Variants in KCNQ1 observed in about 807,000 individuals in gnomAD.
KCNQ1 encodes potassium voltage-gated channel subfamily KQT member 1.
A neutral mutation model predicts 72.4 loss-of-function variants in KCNQ1; 49 were observed. The ratio of observed to expected loss-of-function variants is 0.68; its 90% CI spans 0.54 to 0.86. The LOEUF (loss-of-function observed/expected upper bound fraction) is 0.86. Ranked by LOEUF, KCNQ1 falls within the 40% of genes least tolerant of loss-of-function variation. The probability of loss-of-function intolerance (pLI) is 0.00; values close to 1 mark genes in which losing one functional copy is unlikely to be tolerated. For missense variants in KCNQ1, 790 were observed against 945.1 expected (o/e 0.84, Z 2.15); for synonymous variants, 450 against 412.6 (o/e 1.09, Z -1.10).
rs572035337 is a variant in KCNQ1 at position 2,678,463 on chromosome 11, T to C, written c.1514+16382T>C. On this transcript the variant is annotated intron_variant, in intron 11 of 15. Coordinates refer to ENST00000155840, the MANE Select transcript of KCNQ1 (RefSeq NM_000218.3). The surrounding 1 kb of genome is among the most constrained non-coding windows in gnomAD (Gnocchi z 4.9). ...TCTCTACTAATTTCAACTGCTACCTTTATCATATTTCAAACTCTCATTTAA... is the reference window on the plus strand; with the variant it reads ...TCTCTACTAATTTCAACTGCTACCTCTATCATATTTCAAACTCTCATTTAA... 7.5e-5 allele frequency: 30 copies of C among 398,610 alleles called. 1 individual carries two copies. In the South Asian group the frequency reaches 3.4e-3, roughly 46 times the overall value. The allele number at this position is 398,610 out of a possible 1,614,324, so 24.7% of individuals were successfully genotyped here.
rs185294824 is a variant in KCNQ1, at chr11:2,724,229, C to T, written c.1515-44615C>T. On this transcript the variant is annotated intron_variant, in intron 11 of 15. Coordinates refer to ENST00000155840, the MANE Select transcript of KCNQ1 (RefSeq NM_000218.3). The surrounding 1 kb of genome is among the most constrained non-coding windows in gnomAD (Gnocchi z 6.8). ...CTCAGATGATATACAGTCCTCCTCC[C>T]GGCTCAGGACCCCTTTGCGGTGTCA... Among the ~76,000 whole-genome samples the T allele has an allele frequency of 6.9e-4, 105 of 152,344 alleles. No individual in the cohort carries two copies. Among genetic ancestry groups the T allele is most frequent in the African/African-American group, 2.3e-3 (97 of 41,588 alleles).
At chr11:2,714,335 T>C (rs911279314) in intron 11 of KCNQ1, among the ~76,000 whole-genome samples, 3 of 152,180 alleles carry the variant, frequency 2.0e-5, no homozygotes, top group Non-Finnish European at 4.4e-5. Context: ...GCAGGCACTA[T>C]GGGCGAGCTG....
At position 2,723,478 on chromosome 11, in the gene KCNQ1, G is replaced by C. The variant is rs555249786; in HGVS notation, c.1515-45366G>C. Among the ~76,000 whole-genome samples, 1 of 152,332 alleles carries C rather than the reference G, an allele frequency of 6.6e-6. No homozygotes were observed. Among genetic ancestry groups the C allele is most frequent in the South Asian group, 2.1e-4 (1 of 4,822 alleles). On this transcript the variant is annotated intron_variant, in intron 11 of 15. Transcript: ENST00000155840. The surrounding 1 kb of genome is among the most constrained non-coding windows in gnomAD (Gnocchi z 4.2). Reference sequence around the variant, plus strand: ...GACCAGGTGGTACTTGGCAGCTGTGGCACGTGGAAGCCCTACACAGGCAGC... The same window carrying C: ...GACCAGGTGGTACTTGGCAGCTGTGCCACGTGGAAGCCCTACACAGGCAGC...
chr11:2,634,431 T>C (rs1272348197), intron 10 of KCNQ1: 2 of 177,262 alleles, frequency 1.1e-5, no homozygotes, highest in East Asian at 2.6e-4. Flanking sequence ...ATGCGGTGTT[T>C]GGTTTTTCAT....
chr11:2,487,863 A>AT (rs1460868176), intron 1 of KCNQ1, among the ~76,000 whole-genome samples: 1 of 151,652 alleles, frequency 6.6e-6, no homozygotes, highest in African/African-American at 2.4e-5. Context: ...ATTTCTTTTA[A>AT]TTTTTTTCTT....
At chr11:2,699,369 A>G (rs1008597646) in intron 11 of KCNQ1, 2 of 399,532 alleles carry the variant, frequency 5.0e-6, no homozygotes, top group Non-Finnish European at 8.8e-6. Flanking sequence ...CCGTCCGCCC[A>G]GGTCCGTGCT....
chr11:2,840,222 A>AAGGTCTTCATCCTCGTCATCT (rs1848179369), intron 15 of KCNQ1: 1 of 152,292 alleles, frequency 6.6e-6, no homozygotes, highest in African/African-American at 2.4e-5. Flanking sequence ...GATCATTGTA[A>AAGGTCTTCATCCTCGTCATCT]AGGTCTTCAT....
chr11:2,477,913 A>G lies in KCNQ1; in HGVS notation c.386+32429A>G, dbSNP rs1436711391. The stretch of plus-strand genomic sequence containing the variant: ...CAACAGGGCTGGAAGGCCATCAAGG[A>G]AACCCCGTGGCAGGGGCAGGGGTTC... On this transcript the variant is annotated intron_variant, in intron 1 of 15. Coordinates refer to ENST00000155840, the MANE Select transcript of KCNQ1 (RefSeq NM_000218.3). This position sits in a 1 kb window ranked among gnomAD's most constrained non-coding sequence, Gnocchi z 5.0. Among the ~76,000 whole-genome samples, 3 of 152,152 alleles carry G rather than the reference A, an allele frequency of 2.0e-5. No individual in the cohort carries two copies.
chr11:2,718,431 G>A (rs555294517), intron 11 of KCNQ1, among the ~76,000 whole-genome samples: 11 of 152,290 alleles, frequency 7.2e-5, no homozygotes, highest in African/African-American at 1.4e-4. Flanking sequence ...GCCCCTCCCC[G>A]TAGCCTCATG....
intron 1 of KCNQ1, among the ~76,000 whole-genome samples, chr11:2,503,096 G>C (rs1271802479): frequency 6.6e-6 from 1 of 152,134 alleles, no homozygotes; most frequent in Non-Finnish European, 1.5e-5. Flanking sequence ...AAAGACATTG[G>C]AGAAACTCTC....
intron 7 of KCNQ1, among the ~76,000 whole-genome samples, chr11:2,584,829 C>T (rs1252520131): frequency 6.6e-6 from 1 of 152,100 alleles, no homozygotes; most frequent in Admixed American, 6.5e-5. Context: ...CGTCCTTGGG[C>T]GAGGCAGCAG....
intron 11 of KCNQ1, chr11:2,699,986 G>T (rs563140602): frequency 1.0e-5 from 4 of 398,290 alleles, no homozygotes; most frequent in Non-Finnish European, 1.8e-5. Flanking sequence ...GCGACGCGGC[G>T]ACCGTTCTGC....
chr11:2,632,705 T>C (rs930807299), intron 10 of KCNQ1: 4 of 398,278 alleles, frequency 1.0e-5, no homozygotes, highest in Non-Finnish European at 1.8e-5. Flanking sequence ...CCTAATTTCA[T>C]TTAACATATT....
intron 11 of KCNQ1, chr11:2,662,503 G>A (rs1849980189): frequency 6.8e-6 from 3 of 440,280 alleles, no homozygotes; most frequent in Non-Finnish European, 1.2e-5. Context: ...GTCCTCAGGG[G>A]CTCCTTCAGG....
At position 2,676,226 on chromosome 11, in the gene KCNQ1, A is replaced by T. The variant is rs193099584; in HGVS notation, c.1514+14145A>T. ...TTTTTGAGCTGTACATACAATGCTG[A>T]TTTATTATGGTGCAGTACATCTGAG... On this transcript the variant is annotated intron_variant, in intron 11 of 15. Coordinates refer to ENST00000155840, the MANE Select transcript of KCNQ1 (RefSeq NM_000218.3). The surrounding 1 kb of genome is among the most constrained non-coding windows in gnomAD (Gnocchi z 4.2). The T allele has an allele frequency of 1.3e-4, 53 of 398,582 alleles. No individual in the cohort carries two copies. In the Admixed American group the frequency reaches 2.2e-3, roughly 16 times the overall value. 24.7% of individuals were successfully genotyped at this position (398,582 alleles called of 1,614,324 possible).
Position 2,687,954 on chromosome 11 carries a change from G to A in KCNQ1, c.1514+25873G>A. On this transcript the variant is annotated intron_variant, in intron 11 of 15. Coordinates refer to ENST00000155840, the MANE Select transcript of KCNQ1 (RefSeq NM_000218.3). The surrounding 1 kb of genome is among the most constrained non-coding windows in gnomAD (Gnocchi z 5.0). ...CACTTCTCCCACCCGCTGTGGGTCA[G>A]CCAGGCCGCTGCTTCCTGCTTCCCT... 1 of 398,798 alleles carries A rather than the reference G, an allele frequency of 2.5e-6. No individual in the cohort carries two copies. The highest frequency in any genetic ancestry group is 4.4e-6 in the Non-Finnish European group (1 of 226,200). 24.7% of individuals were successfully genotyped at this position (398,798 alleles called of 1,614,324 possible). A position where few individuals can be genotyped will look rare whatever the true frequency, so the allele number is the denominator to read the frequency against.
chr11:2,581,043 G>A (rs1848491379), intron 6 of KCNQ1, among the ~76,000 whole-genome samples: 1 of 152,190 alleles, frequency 6.6e-6, no homozygotes, highest in South Asian at 2.1e-4. Flanking sequence ...GAACAAGTAG[G>A]AATCAGCATG....
At chr11:2,806,815 C>T (rs559798214) in intron 15 of KCNQ1, among the ~76,000 whole-genome samples, 1 of 152,196 alleles carries the variant, frequency 6.6e-6, no homozygotes, top group Admixed American at 6.5e-5. Context: ...GAGAGAATAG[C>T]GTGCCCCCAG....
intron 1 of KCNQ1, among the ~76,000 whole-genome samples, chr11:2,523,451 C>T (rs143820001): frequency 0.035 from 5,348 of 152,314 alleles, 310 homozygotes; most frequent in African/African-American, 0.12. Flanking sequence ...CCTCCCGCCT[C>T]GGCCTCCCAA....
Sources: gnomAD v4.1 joint callset for allele counts (sites outside exome capture counted in the v4.1 genomes callset) on GRCh38, gnomAD v4.1.1 for gene constraint, Gnocchi (gnomAD v3.1) non-coding constraint, MANE v1.5 for transcripts, NCBI Gene and HGNC (gene_info 2026-07-23, HGNC 2026-07-21) for gene names.